DOCK3: variants seen among roughly 807,000 people sequenced by gnomAD.
DOCK3 encodes the protein dedicator of cytokinesis protein 3.
A neutral mutation model predicts 265.6 loss-of-function variants in DOCK3; 60 were observed. That is an observed-to-expected ratio of 0.23 (90% CI 0.18 to 0.28). The LOEUF (loss-of-function observed/expected upper bound fraction) is 0.28. DOCK3 is among the 10% of genes least tolerant of loss of function. The probability of loss-of-function intolerance (pLI) is 1.00; values close to 1 mark genes in which losing one functional copy is unlikely to be tolerated. For synonymous variants in DOCK3, 881 were observed against 938.0 expected, an observed-to-expected ratio of 0.94 and a Z score of 1.11; for missense variants, 1,981 against 2,594.3, an observed-to-expected ratio of 0.76 and a Z score of 5.14.
At chr3:51,145,502 A>G (rs1385001648) in intron 9 of DOCK3, among the ~76,000 whole-genome samples, 1 of 152,108 alleles carries the variant, frequency 6.6e-6, no homozygotes, top group African/African-American at 2.4e-5. Context: ...AGCTTGTCCA[A>G]CCTGTGGTCC....
intron 33 of DOCK3, among the ~76,000 whole-genome samples, chr3:51,330,689 T>C (rs1159735001): frequency 6.6e-6 from 1 of 152,168 alleles, no homozygotes; most frequent in Non-Finnish European, 1.5e-5. Context: ...AGGCCAGTTT[T>C]CATGTTTGTG....
intron 4 of DOCK3, among the ~76,000 whole-genome samples, chr3:50,925,824 CTTTTTTTTT>C (rs368819970): frequency 0.12 from 10,678 of 88,564 alleles, 926 homozygotes; most frequent in East Asian, 0.39. Context: ...TAAAACTAGT[CTTTTTTTTT>C]TTTTTTTTTT....
chr3:50,870,123 G>A (rs1178712510), intron 3 of DOCK3, among the ~76,000 whole-genome samples: 1 of 152,040 alleles, frequency 6.6e-6, no homozygotes, highest in Non-Finnish European at 1.5e-5. Flanking sequence ...ATATCTATTC[G>A]ATTCATTTCA....
intron 1 of DOCK3, among the ~76,000 whole-genome samples, chr3:50,755,142 G>A (rs1426359627): frequency 2.0e-5 from 3 of 152,172 alleles, no homozygotes; most frequent in Non-Finnish European, 1.5e-5. Flanking sequence ...ATCTTACTCT[G>A]TACTTGAGCA....
chr3:51,264,383 C>A (rs991158588), intron 23 of DOCK3, among the ~76,000 whole-genome samples: 9 of 152,150 alleles, frequency 5.9e-5, no homozygotes, highest in African/African-American at 2.2e-4. Flanking sequence ...ACCAGAACCT[C>A]TGGGACACAG....
chr3:50,744,072 TTC>T (rs914587417), intron 1 of DOCK3, among the ~76,000 whole-genome samples: 25 of 152,234 alleles, frequency 1.6e-4, no homozygotes, highest in Admixed American at 1.4e-3. Context: ...GTGCTTGTTG[TTC>T]ATTTGTATAT....
At chr3:51,141,499 A>G (rs1038938226) in intron 9 of DOCK3, among the ~76,000 whole-genome samples, 1 of 152,120 alleles carries the variant, frequency 6.6e-6, no homozygotes, top group Non-Finnish European at 1.5e-5. Flanking sequence ...ATTTTTACAT[A>G]TGGTGTGAAA....
intron 1 of DOCK3, among the ~76,000 whole-genome samples, chr3:50,774,194 C>T (rs61676409): frequency 0.07 from 10,660 of 151,968 alleles, 943 homozygotes; most frequent in East Asian, 0.32. Flanking sequence ...AGTATATATT[C>T]ACCTCCTTCA....
intron 5 of DOCK3, among the ~76,000 whole-genome samples, chr3:51,016,599 G>GAT (rs1167864774): frequency 1.6e-4 from 11 of 69,156 alleles, no homozygotes; most frequent in Non-Finnish European, 2.3e-4. Flanking sequence ...TATTATATAT[G>GAT]ATATATATAT....
intron 9 of DOCK3, among the ~76,000 whole-genome samples, chr3:51,107,670 TC>T (rs1202497142): frequency 6.6e-6 from 1 of 152,080 alleles, no homozygotes; most frequent in Non-Finnish European, 1.5e-5. Flanking sequence ...AAACAAAACT[TC>T]CGATAAATAT....
chr3:51,107,463 A>T (rs2083331835), intron 9 of DOCK3, among the ~76,000 whole-genome samples: 1 of 152,228 alleles, frequency 6.6e-6, no homozygotes, highest in Non-Finnish European at 1.5e-5. Context: ...TAAGAATCAC[A>T]GTAAAACAAT....
chr3:51,290,356 T>TA (rs1341268836), intron 27 of DOCK3, among the ~76,000 whole-genome samples: 8 of 152,104 alleles, frequency 5.3e-5, no homozygotes, highest in East Asian at 1.9e-4. Context: ...TATGCAGCCA[T>TA]AAAAAATGAT....
chr3:51,072,742 G>C (rs1440051546), intron 6 of DOCK3, among the ~76,000 whole-genome samples: 3 of 151,772 alleles, frequency 2.0e-5, no homozygotes, highest in Admixed American at 2.0e-4. Context: ...GTCTCTCTCT[G>C]TCCCTGAAGC....
At chr3:50,965,425 TAAA>T (rs1319464146) in intron 5 of DOCK3, among the ~76,000 whole-genome samples, 1 of 151,742 alleles carries the variant, frequency 6.6e-6, no homozygotes, top group Non-Finnish European at 1.5e-5. Context: ...GGAGAAATAA[TAAA>T]GATCTGAGCA....
chr3:50,754,815 T>G (rs2040058283), intron 1 of DOCK3, among the ~76,000 whole-genome samples: 1 of 152,106 alleles, frequency 6.6e-6, no homozygotes, highest in South Asian at 2.1e-4. Flanking sequence ...TGCCTCGGCC[T>G]CCCAAAGTGC....
intron 5 of DOCK3, among the ~76,000 whole-genome samples, chr3:51,058,243 C>T (rs1382607409): frequency 6.6e-6 from 1 of 152,140 alleles, no homozygotes; most frequent in Non-Finnish European, 1.5e-5. Context: ...TCACTGCTGC[C>T]ATATCTGTTG....
chr3:50,857,807 G>A (rs919796590), intron 3 of DOCK3, among the ~76,000 whole-genome samples: 1 of 152,220 alleles, frequency 6.6e-6, no homozygotes, highest in Non-Finnish European at 1.5e-5. Context: ...TGGAGAAATA[G>A]GAATGCTTTT....
chr3:51,225,369 GA>G (rs2090285892), intron 14 of DOCK3, among the ~76,000 whole-genome samples: 1 of 152,194 alleles, frequency 6.6e-6, no homozygotes, highest in East Asian at 1.9e-4. Flanking sequence ...CTGGAGGGGA[GA>G]AAGACTGAGC....
chr3:51,376,488 C>T (rs1160523609), intron 51 of DOCK3, among the ~76,000 whole-genome samples: 1 of 152,158 alleles, frequency 6.6e-6, no homozygotes, highest in Non-Finnish European at 1.5e-5. Context: ...TTCTGCAAGC[C>T]GATGGAAGAA....
Sources: gnomAD v4.1 joint callset for allele counts (sites outside exome capture counted in the v4.1 genomes callset) on GRCh38, gnomAD v4.1.1 for gene constraint, MANE v1.5 for transcripts, NCBI Gene and HGNC (gene_info 2026-07-23, HGNC 2026-07-21) for gene names.